CDH8: variants seen among roughly 807,000 people sequenced by gnomAD.
CDH8 encodes the protein cadherin 8, also known as cadherin-8.
Under a neutral mutation model 68.1 loss-of-function variants are expected in CDH8, and 17 were observed. That is an observed-to-expected ratio of 0.25 (90% CI 0.17 to 0.37). CDH8 has a LOEUF of 0.37. CDH8 is among the 10% of genes least tolerant of loss of function. CDH8 has a pLI of 1.00. For missense variants in CDH8, 763 were observed against 999.3 expected (o/e 0.76, Z 3.19); for synonymous variants, 372 against 365.1 (o/e 1.02, Z -0.21).
chr16:62,018,043 G>A (rs180909537), intron 2 of CDH8, among the ~76,000 whole-genome samples: 2 of 152,176 alleles, frequency 1.3e-5, no homozygotes, highest in East Asian at 3.9e-4. Flanking sequence ...TTACTATATA[G>A]CAGGCACTAT....
At chr16:61,874,775 C>A (rs1177027413) in intron 3 of CDH8, among the ~76,000 whole-genome samples, 1 of 152,156 alleles carries the variant, frequency 6.6e-6, no homozygotes, top group African/African-American at 2.4e-5. Flanking sequence ...ACCTGTGAGG[C>A]AACTATTAGT....
At chr16:61,739,734 A>AAAAAAGAAAAGAAAAG (rs771933210) in intron 8 of CDH8, among the ~76,000 whole-genome samples, 8 of 142,022 alleles carry the variant, frequency 5.6e-5, no homozygotes, top group African/African-American at 1.8e-4. Context: ...CCTCAAAAAA[A>AAAAAAGAAAAGAAAAG]AAAAGAAAAG....
intron 4 of CDH8, among the ~76,000 whole-genome samples, chr16:61,838,949 G>A (rs529433811): frequency 6.6e-6 from 1 of 152,124 alleles, no homozygotes; most frequent in African/African-American, 2.4e-5. Flanking sequence ...ATGCATGTAA[G>A]GTTGTCTGAA....
intron 9 of CDH8, among the ~76,000 whole-genome samples, chr16:61,720,809 T>G (rs556330835): frequency 2.0e-5 from 3 of 150,872 alleles, no homozygotes; most frequent in African/African-American, 7.3e-5. Context: ...TTAGGAATCA[T>G]GTATAGTGTG....
At chr16:61,874,035 C>T (rs1963417556) in intron 3 of CDH8, among the ~76,000 whole-genome samples, 1 of 151,980 alleles carries the variant, frequency 6.6e-6, no homozygotes, top group African/African-American at 2.4e-5. Context: ...CAGCCTGGGG[C>T]AACAGAGTGG....
chr16:62,011,301 T>C (rs953714836), intron 2 of CDH8, among the ~76,000 whole-genome samples: 2 of 152,174 alleles, frequency 1.3e-5, no homozygotes, highest in Non-Finnish European at 2.9e-5. Context: ...CAACAGTTAA[T>C]AGTTCTCACT....
intron 2 of CDH8, among the ~76,000 whole-genome samples, chr16:61,966,329 A>G (rs1020850222): frequency 4.5e-5 from 2 of 44,642 alleles, no homozygotes; most frequent in African/African-American, 2.5e-4. Flanking sequence ...CACGATGTCA[A>G]GAGATCTAGA....
intron 3 of CDH8, among the ~76,000 whole-genome samples, chr16:61,891,730 T>C (rs1024287352): frequency 3.3e-5 from 5 of 152,304 alleles, no homozygotes; most frequent in African/African-American, 1.2e-4. Flanking sequence ...ACAGCTAGAT[T>C]TCTTTTGAAA....
intron 8 of CDH8, among the ~76,000 whole-genome samples, chr16:61,787,755 G>A (rs1414004999): frequency 1.3e-5 from 2 of 151,134 alleles, no homozygotes; most frequent in Admixed American, 6.6e-5. Context: ...GGAATACTAT[G>A]CAGCCATAAA....
chr16:61,733,855 C>T (rs1210757074), intron 8 of CDH8, among the ~76,000 whole-genome samples: 1 of 151,950 alleles, frequency 6.6e-6, no homozygotes, highest in Non-Finnish European at 1.5e-5. Context: ...CCATAGTTAT[C>T]TACGACCACA....
chr16:61,992,077 T>TGTGTGTGTGTGTGTGTGTGTGAGAGAGA (rs34925928), intron 2 of CDH8, among the ~76,000 whole-genome samples: 7 of 144,126 alleles, frequency 4.9e-5, no homozygotes, highest in African/African-American at 1.8e-4. Flanking sequence ...TGTGTGTGTG[T>TGTGTGTGTGTGTGTGTGTGTGAGAGAGA]GAGAGAGAGA....
At chr16:61,902,168 A>C (rs1337497302) in intron 2 of CDH8, among the ~76,000 whole-genome samples, 1 of 152,208 alleles carries the variant, frequency 6.6e-6, no homozygotes, top group Non-Finnish European at 1.5e-5. Flanking sequence ...TGAGGCCAGA[A>C]TTTAGGAGTA....
rs1963270274 is a variant in CDH8, at chr16:61,649,276, T to G, written c.*4332A>C. The G allele has an allele frequency of 6.6e-6, 1 of 151,804 alleles. No individual in the cohort carries two copies. The highest frequency in any genetic ancestry group is 2.1e-4 in the South Asian group (1 of 4,826). The allele number at this position is 151,804 out of a possible 1,614,324, so 9.4% of individuals were successfully genotyped here. A position where few individuals can be genotyped will look rare whatever the true frequency, so the allele number is the denominator to read the frequency against. On this transcript the variant is annotated 3_prime_UTR_variant, in exon 12 of 12. Transcript: ENST00000577390. ...GCTTTTAAAACCCTTTACCCTCAAT[T>G]CAACTTCTTTCAAATTCAAGGTTAG... is the stretch of plus-strand genomic sequence containing the variant.
chr16:61,975,378 A>G, intron 2 of CDH8, among the ~76,000 whole-genome samples: 1 of 152,304 alleles, frequency 6.6e-6, no homozygotes, highest in East Asian at 1.9e-4. Flanking sequence ...GTTTAATTCA[A>G]GCTCCACCTA....
At chr16:61,823,713 C>T (rs544236106) in intron 5 of CDH8, among the ~76,000 whole-genome samples, 20 of 151,930 alleles carry the variant, frequency 1.3e-4, no homozygotes, top group African/African-American at 4.6e-4. Context: ...GGATAAAGGT[C>T]CTCATAGGTC....
At chr16:61,902,426 A>C (rs1017715493) in intron 2 of CDH8, among the ~76,000 whole-genome samples, 7 of 152,178 alleles carry the variant, frequency 4.6e-5, no homozygotes, top group African/African-American at 1.7e-4. Flanking sequence ...AAAAACTAAA[A>C]TAAAATAAAA....
chr16:61,771,281 T>G (rs142744668), intron 8 of CDH8, among the ~76,000 whole-genome samples: 2 of 151,918 alleles, frequency 1.3e-5, no homozygotes, highest in African/African-American at 4.8e-5. Flanking sequence ...TCTGTGGAGT[T>G]CAGATTTTTG....
chr16:61,726,581 CA>C (rs1256896247), intron 9 of CDH8: 1 of 153,266 alleles, frequency 6.5e-6, no homozygotes, highest in Non-Finnish European at 1.4e-5. Flanking sequence ...TACTAATACA[CA>C]CATGTAAAAC....
At chr16:61,834,366 A>C (rs550068033) in intron 4 of CDH8, among the ~76,000 whole-genome samples, 33 of 151,956 alleles carry the variant, frequency 2.2e-4, no homozygotes, top group Non-Finnish European at 2.9e-5. Context: ...CCTGAGTCAC[A>C]TCTTGAGATT....
Sources: allele counts gnomAD v4.1 joint callset (sites outside exome capture counted in the v4.1 genomes callset), GRCh38; gene constraint gnomAD v4.1.1; transcripts MANE v1.5; gene names NCBI Gene and HGNC (gene_info 2026-07-23, HGNC 2026-07-21).